Variants in PCDHAC1 observed in about 807,000 individuals in gnomAD.
The protein encoded by PCDHAC1 is protocadherin alpha-C1.
In PCDHAC1, 42 loss-of-function variants were observed where a neutral mutation model predicts 60.0. The ratio of observed to expected loss-of-function variants is 0.70; its 90% CI spans 0.55 to 0.90. The LOEUF is 0.90. Ranked by LOEUF, PCDHAC1 falls within the 40% of genes least tolerant of loss-of-function variation. The pLI is 0.00. For synonymous variants in PCDHAC1, 468 were observed against 499.3 expected, an observed-to-expected ratio of 0.94 and a Z score of 0.84; for missense variants, 1,160 against 1,222.3, an observed-to-expected ratio of 0.95 and a Z score of 0.76.
At chr5:140,934,528 G>C (rs782284913) in intron 1 of PCDHAC1, among the ~76,000 whole-genome samples, 1 of 152,116 alleles carries the variant, frequency 6.6e-6, no homozygotes, top group African/African-American at 2.4e-5. Flanking sequence ...CACTTCGAGA[G>C]CTACCGTTCT....
intron 1 of PCDHAC1, among the ~76,000 whole-genome samples, chr5:140,948,620 T>TTAA (rs1422284059): frequency 6.6e-6 from 1 of 151,716 alleles, no homozygotes; most frequent in African/African-American, 2.4e-5. Context: ...CACAAAGTTG[T>TTAA]TAATAATATT....
At chr5:140,943,248 ACT>A (rs1250099362) in intron 1 of PCDHAC1, among the ~76,000 whole-genome samples, 2 of 133,008 alleles carry the variant, frequency 1.5e-5, no homozygotes, top group Non-Finnish European at 3.1e-5. Flanking sequence ...ACAGAGTGAG[ACT>A]CTGTCTCAAA....
intron 1 of PCDHAC1, among the ~76,000 whole-genome samples, chr5:140,971,604 A>G (rs2096487974): frequency 6.6e-6 from 1 of 152,160 alleles, no homozygotes; most frequent in Admixed American, 6.5e-5. Flanking sequence ...TACAGATGGC[A>G]GGAGAGTCCT....
chr5:140,967,108 G>A (rs2096097580), intron 1 of PCDHAC1: 1 of 1,612,960 alleles, frequency 6.2e-7, no homozygotes, highest in South Asian at 1.1e-5. Flanking sequence ...GTGAGCAGCG[G>A]CCTCGCTGCC....
chr5:140,942,145 CAT>C (rs2093239780), intron 1 of PCDHAC1, among the ~76,000 whole-genome samples: 1 of 152,176 alleles, frequency 6.6e-6, no homozygotes, highest in African/African-American at 2.4e-5. Context: ...CTTTACTTGA[CAT>C]AAAACAGCTT....
intron 1 of PCDHAC1, among the ~76,000 whole-genome samples, chr5:140,942,639 G>C (rs923095335): frequency 1.3e-5 from 2 of 151,806 alleles, no homozygotes; most frequent in African/African-American, 2.4e-5. Flanking sequence ...AATGGCAAAA[G>C]AGATCTCATT....
chr5:140,966,620 G>A lies in PCDHAC1; in HGVS notation c.2434-12329G>A, dbSNP rs2096027901. 8 of 837,888 alleles carry A rather than the reference G, an allele frequency of 9.5e-6. No homozygotes were observed. The East Asian group carries it at 2.6e-4, about 27-fold the overall frequency. 51.9% of individuals were successfully genotyped at this position (837,888 alleles called of 1,614,324 possible). A position where few individuals can be genotyped will look rare whatever the true frequency, so the allele number is the denominator to read the frequency against. On this transcript the variant is annotated intron_variant, in intron 1 of 3. Transcript: ENST00000253807. ...GAGCCCTTGGGAGGGCCTACGGAGG[G>A]AGCGGCCCCAGGCGCTTTCTAGAGC...
intron 3 of PCDHAC1, among the ~76,000 whole-genome samples, chr5:140,999,234 G>T (rs1327126129): frequency 1.3e-5 from 2 of 152,232 alleles, no homozygotes; most frequent in African/African-American, 4.8e-5. Context: ...AGAATAGGTG[G>T]TTAAAGTGGG....
chr5:141,008,329 T>C (rs2098370202), intron 3 of PCDHAC1, among the ~76,000 whole-genome samples: 1 of 152,192 alleles, frequency 6.6e-6, no homozygotes, highest in Non-Finnish European at 1.5e-5. Context: ...AAACAGTTTA[T>C]TTGATGGAGC....
rs150226999 is a variant in PCDHAC1, at chr5:140,970,370, C to T, written c.2434-8579C>T. 2.1e-3 allele frequency among the ~76,000 whole-genome samples: 315 copies of T among 152,234 alleles called. 1 individual carries two copies. The highest frequency in any genetic ancestry group is 7.2e-3 in the African/African-American group (299 of 41,540). On this transcript the variant is annotated intron_variant, in intron 1 of 3. Coordinates refer to ENST00000253807, the MANE Select transcript of PCDHAC1 (RefSeq NM_018898.5). ...GGATCTAAAATTTGATTTGCTATAG[C>T]TTCAAAAGGCTGGCTTGGAAAGTGG...
chr5:140,926,420 T>G lies in PCDHAC1; in HGVS notation c.-473T>G. 6.5e-6 allele frequency: 1 copy of G among 152,792 alleles called. No homozygotes were observed. The highest frequency in any genetic ancestry group is 1.5e-5 in the Non-Finnish European group (1 of 68,536). 9.5% of individuals were successfully genotyped at this position (152,792 alleles called of 1,614,324 possible). ...TTATCAGCAATCTGCGGGCAGAGGA[T>G]GTGGAGGTTAAGATCTGGGCAGCCT... On this transcript the variant is annotated 5_prime_UTR_variant, in exon 1 of 4. It removes an upstream start codon present in the reference 5' UTR. Transcript: ENST00000253807.
At chr5:140,953,545 C>A (rs551898012) in intron 1 of PCDHAC1, among the ~76,000 whole-genome samples, 1 of 152,204 alleles carries the variant, frequency 6.6e-6, no homozygotes, top group Admixed American at 6.5e-5. Context: ...CATGCTGATT[C>A]TTTTCTCCAA....
At chr5:140,997,142 G>A (rs1038632915) in intron 3 of PCDHAC1, among the ~76,000 whole-genome samples, 40 of 151,426 alleles carry the variant, frequency 2.6e-4, no homozygotes, top group African/African-American at 2.7e-4. Flanking sequence ...CCACACCCCC[G>A]CCACAGTGAC....
At chr5:140,962,312 A>G (rs2095671896) in intron 1 of PCDHAC1, among the ~76,000 whole-genome samples, 1 of 152,204 alleles carries the variant, frequency 6.6e-6, no homozygotes, top group African/African-American at 2.4e-5. Context: ...TTGTTAGGCC[A>G]TCTCAATTGA....
At chr5:140,990,552 C>G (rs1379026755) in intron 3 of PCDHAC1, among the ~76,000 whole-genome samples, 5 of 152,130 alleles carry the variant, frequency 3.3e-5, no homozygotes, top group African/African-American at 1.2e-4. Flanking sequence ...CTGTATTACC[C>G]AAGAACACAC....
chr5:140,935,527 C>G (rs956168876), intron 1 of PCDHAC1, among the ~76,000 whole-genome samples: 4 of 152,172 alleles, frequency 2.6e-5, no homozygotes, highest in Non-Finnish European at 5.9e-5. Context: ...CATGTACAGT[C>G]AAATTATTGT....
At chr5:140,959,567 T>A (rs2095496193) in intron 1 of PCDHAC1, among the ~76,000 whole-genome samples, 1 of 152,208 alleles carries the variant, frequency 6.6e-6, no homozygotes, top group Non-Finnish European at 1.5e-5. Context: ...AGTACTAGAT[T>A]TTTTGTTTCA....
At chr5:140,985,348 A>G (rs1197077354) in intron 3 of PCDHAC1, among the ~76,000 whole-genome samples, 2 of 152,190 alleles carry the variant, frequency 1.3e-5, no homozygotes, top group Non-Finnish European at 2.9e-5. Context: ...AGGCCCAGAT[A>G]TAGACCCTCT....
chr5:140,967,842 A>G (rs1239466478), intron 1 of PCDHAC1: 1 of 1,614,042 alleles, frequency 6.2e-7, no homozygotes, highest in Non-Finnish European at 8.5e-7. Flanking sequence ...GTGGACGTGA[A>G]TGACAATGCC....
Sources: allele counts gnomAD v4.1 joint callset (sites outside exome capture counted in the v4.1 genomes callset), GRCh38; gene constraint gnomAD v4.1.1; transcripts MANE v1.5; gene names NCBI Gene and HGNC (gene_info 2026-07-23, HGNC 2026-07-21).